The following SVIL variants were observed in gnomAD, a reference collection of about 807,000 sequenced individuals.
SVIL encodes archvillin.
SVIL carries 101 observed loss-of-function variants against 240.4 expected under a neutral mutation model. The ratio of observed to expected loss-of-function variants is 0.42; its 90% confidence interval spans 0.36 to 0.50. The LOEUF is 0.50. Ranked by LOEUF, SVIL falls within the 20% of genes least tolerant of loss-of-function variation. SVIL has a pLI of 0.01. For synonymous variants in SVIL, 999 were observed against 1,100.0 expected, an observed-to-expected ratio of 0.91 and a Z score of 1.82; for missense variants, 2,512 against 2,818.7, an observed-to-expected ratio of 0.89 and a Z score of 2.46.
intron 1 of SVIL, among the ~76,000 whole-genome samples, chr10:29,691,983 C>T (rs1279673023): frequency 6.6e-6 from 1 of 152,132 alleles, no homozygotes; most frequent in African/African-American, 2.4e-5. Flanking sequence ...TTGGATCAGC[C>T]AATAAGCAAC....
intron 17 of SVIL, among the ~76,000 whole-genome samples, chr10:29,505,876 A>G (rs1003583145): frequency 2.0e-5 from 3 of 152,104 alleles, no homozygotes; most frequent in African/African-American, 7.2e-5. Flanking sequence ...CTCAGCGTCT[A>G]TGGGGGACTG....
chr10:29,577,323 C>T (rs1203263991), intron 1 of SVIL, among the ~76,000 whole-genome samples: 2 of 152,042 alleles, frequency 1.3e-5, no homozygotes, highest in Non-Finnish European at 2.9e-5. Context: ...GTCTTTTATC[C>T]CTCACTCCTC....
chr10:29,467,464 A>G lies in SVIL; in HGVS notation c.5977+278T>C, dbSNP rs1157528682. Among the ~76,000 whole-genome samples, 4 of 151,902 alleles carry G rather than the reference A, an allele frequency of 2.6e-5. No homozygotes were observed. The East Asian group carries it at 7.7e-4, about 29-fold the overall frequency. On this transcript the variant is annotated intron_variant, in intron 33 of 37. Transcript: ENST00000355867. ...AAGTCCTGGTGTCCAAGTTAAACTC[A>G]CCCCTGGGAAGAAAAAAACTGTTCA...
At chr10:29,470,957 C>A (rs1228138936) in intron 31 of SVIL, among the ~76,000 whole-genome samples, 181 bp downstream of exon 31, 1 of 152,136 alleles carries the variant, frequency 6.6e-6, no homozygotes, top group African/African-American at 2.4e-5. Context: ...CGAGTAAATT[C>A]TCCAGGGAGA....
At chr10:29,729,398 G>A (rs1040855739) in intron 1 of SVIL, among the ~76,000 whole-genome samples, 2 of 151,852 alleles carry the variant, frequency 1.3e-5, no homozygotes, top group Non-Finnish European at 2.9e-5. Context: ...GCTGGGCTGG[G>A]TGAAAAAGGA....
intron 1 of SVIL, among the ~76,000 whole-genome samples, chr10:29,706,567 G>A (rs372652883): frequency 9.8e-4 from 149 of 152,096 alleles, no homozygotes; most frequent in African/African-American, 3.1e-3. Context: ...CTGTCAGATG[G>A]GTAGATTGCA....
chr10:29,668,118 C>T (rs185625094), intron 2 of SVIL, among the ~76,000 whole-genome samples: 19 of 152,216 alleles, frequency 1.2e-4, no homozygotes, highest in Admixed American at 1.2e-3. Flanking sequence ...AATAAAGCTC[C>T]CTTAGCCATA....
rs550468884 is a variant in SVIL at position 29,679,488 on chromosome 10, T to C, written c.-301+7065A>G. ...AAACAAAAACCTAAAACCAAAAGCATTGAGTACAGATTGGAAAGTCTGAAG... is the reference window on the plus strand; with the variant it reads ...AAACAAAAACCTAAAACCAAAAGCACTGAGTACAGATTGGAAAGTCTGAAG... On this transcript the variant is annotated intron_variant, in intron 2 of 35. Transcript: ENST00000375400. Among the ~76,000 whole-genome samples, 234 of 152,078 alleles carry C rather than the reference T, an allele frequency of 1.5e-3. 1 individual carries two copies. Among genetic ancestry groups the C allele is most frequent in the African/African-American group, 5.4e-3 (225 of 41,504 alleles).
At chr10:29,722,734 C>A (rs1351281845) in intron 1 of SVIL, among the ~76,000 whole-genome samples, 2 of 152,188 alleles carry the variant, frequency 1.3e-5, no homozygotes, top group Non-Finnish European at 2.9e-5. Flanking sequence ...AACTCCAACC[C>A]TAATTGGACA....
intron 32 of SVIL, among the ~76,000 whole-genome samples, chr10:29,468,707 A>G (rs184463126): frequency 6.6e-6 from 1 of 152,156 alleles, no homozygotes; most frequent in East Asian, 1.9e-4. Flanking sequence ...TCTGGAGATC[A>G]GTTCACCGTC....
Position 29,634,926 on chromosome 10 carries a change from G to T in SVIL, c.-707C>A, listed in dbSNP as rs1423995107. 1.3e-5 allele frequency: 2 copies of T among 152,184 alleles called. No individual in the cohort carries two copies. The highest frequency in any genetic ancestry group is 4.8e-5 in the African/African-American group (2 of 41,422). 9.4% of individuals were successfully genotyped at this position (152,184 alleles called of 1,614,324 possible). ...CATCCATTACTGGGCAAATCCACAT[G>T]AAACCTGAGGACACTTCAGCCTGGG... On this transcript the variant is annotated 5_prime_UTR_variant, in exon 1 of 38. Coordinates refer to ENST00000355867, the MANE Select transcript of SVIL (RefSeq NM_021738.3).
At chr10:29,560,541 G>A (rs765707359) in intron 3 of SVIL, among the ~76,000 whole-genome samples, 15 of 152,246 alleles carry the variant, frequency 9.9e-5, no homozygotes, top group East Asian at 1.9e-4. Flanking sequence ...AGGAAGTCCC[G>A]TAGAGAAAAA....
chr10:29,506,729 A>AGGAGGGGACAGAGGCCCTGGAG (rs1949352067), intron 17 of SVIL, among the ~76,000 whole-genome samples: 1 of 92,282 alleles, frequency 1.1e-5, no homozygotes, highest in Non-Finnish European at 2.2e-5. Flanking sequence ...GACTCTACGA[A>AGGAGGGGACAGAGGCCCTGGAG]GGAGGGGACA....
intron 1 of SVIL, among the ~76,000 whole-genome samples, chr10:29,721,347 T>C (rs150767363): frequency 3.8e-4 from 58 of 152,134 alleles, no homozygotes; most frequent in African/African-American, 1.4e-3. Context: ...TACAGTAAGA[T>C]GACAGATTTA....
intron 1 of SVIL, among the ~76,000 whole-genome samples, chr10:29,604,502 C>T (rs1343563491): frequency 1.3e-5 from 2 of 150,350 alleles, no homozygotes; most frequent in Non-Finnish European, 2.9e-5. Flanking sequence ...GGATTACAGG[C>T]GTGAGCCATT....
At chr10:29,727,658 C>T (rs1425269038) in intron 1 of SVIL, among the ~76,000 whole-genome samples, 2 of 150,336 alleles carry the variant, frequency 1.3e-5, no homozygotes, top group Non-Finnish European at 2.9e-5. Flanking sequence ...ATTAAAGTAC[C>T]AGACTATTTC....
chr10:29,653,305 C>T (rs1564737958), intron 3 of SVIL, among the ~76,000 whole-genome samples: 1 of 152,124 alleles, frequency 6.6e-6, no homozygotes, highest in Non-Finnish European at 1.5e-5. Context: ...TAGCACCTCC[C>T]CCTTCTCTCT....
At chr10:29,544,173 T>G (rs1279347089) in intron 6 of SVIL, among the ~76,000 whole-genome samples, 1 of 152,194 alleles carries the variant, frequency 6.6e-6, no homozygotes, top group Non-Finnish European at 1.5e-5. Context: ...CAAATTAGTT[T>G]CTCCATGTGG....
chr10:29,674,340 G>C (rs1357879435), intron 2 of SVIL, among the ~76,000 whole-genome samples: 1 of 152,090 alleles, frequency 6.6e-6, no homozygotes, highest in East Asian at 1.9e-4. Context: ...CAAAAAAAGT[G>C]GGGGGTGTTT....
Sources: allele counts gnomAD v4.1 joint callset (sites outside exome capture counted in the v4.1 genomes callset), GRCh38; gene constraint gnomAD v4.1.1; transcripts MANE v1.5; gene names NCBI Gene and HGNC (gene_info 2026-07-23, HGNC 2026-07-21).